Variants in CACNA1C observed in about 807,000 individuals in gnomAD.
CACNA1C encodes calcium voltage-gated channel subunit alpha1 C.
In CACNA1C, 30 loss-of-function variants were observed where a neutral mutation model predicts 229.0. The observed-to-expected ratio is 0.13, with a 90% confidence interval of 0.10 to 0.18. CACNA1C has a LOEUF of 0.18. Among genes scored for constraint, CACNA1C ranks in the 10% least tolerant of loss-of-function variants. The pLI is 1.00. For missense variants in CACNA1C, 1,658 were observed against 2,845.0 expected (o/e 0.58, Z 9.49); for synonymous variants, 1,114 against 1,132.5 (o/e 0.98, Z 0.33).
At chr12:2,243,205 T>G (rs2071379201) in intron 3 of CACNA1C, among the ~76,000 whole-genome samples, 1 of 152,224 alleles carries the variant, frequency 6.6e-6, no homozygotes, top group Non-Finnish European at 1.5e-5. Flanking sequence ...AATTGAGCTC[T>G]GACGATTTGA....
intron 7 of CACNA1C, among the ~76,000 whole-genome samples, chr12:2,501,209 CAAAAAA>C (rs59324696): frequency 1.9e-4 from 6 of 31,386 alleles, no homozygotes; most frequent in Non-Finnish European, 2.6e-4. Context: ...GACTCCACCT[CAAAAAA>C]AAAAAAAAAA....
At chr12:2,214,242 G>A (rs976497272) in intron 3 of CACNA1C, among the ~76,000 whole-genome samples, 1 of 152,182 alleles carries the variant, frequency 6.6e-6, no homozygotes, top group Non-Finnish European at 1.5e-5. Context: ...TGGCGCTGCT[G>A]AGGAGGGGTT....
chr12:2,087,371 T>C (rs1565596753), intron 1 of CACNA1C, among the ~76,000 whole-genome samples: 1 of 152,188 alleles, frequency 6.6e-6, no homozygotes, highest in Non-Finnish European at 1.5e-5. Context: ...AGAGTATGGA[T>C]TTGAACTCTG....
At chr12:2,202,660 A>C (rs2097621923) in intron 3 of CACNA1C, among the ~76,000 whole-genome samples, 1 of 152,084 alleles carries the variant, frequency 6.6e-6, no homozygotes, top group Non-Finnish European at 1.5e-5. Context: ...GCCACCACTA[A>C]CAGCCACAGA....
At chr12:2,160,566 GAAAATACAGGTGTCCCTAAGAGGA>G (rs1427020874) in intron 3 of CACNA1C, among the ~76,000 whole-genome samples, 1 of 152,132 alleles carries the variant, frequency 6.6e-6, no homozygotes, top group African/African-American at 2.4e-5. Flanking sequence ...GGAAATTAAG[GAAAATACAGGTGTCCCTAAGAGGA>G]AAAATACTAT....
At chr12:2,587,393 G>A (rs2062986258) in intron 18 of CACNA1C, among the ~76,000 whole-genome samples, 1 of 152,178 alleles carries the variant, frequency 6.6e-6, no homozygotes, top group South Asian at 2.1e-4. Flanking sequence ...GCCCTCCCAT[G>A]GGGCCAGCCT....
intron 3 of CACNA1C, among the ~76,000 whole-genome samples, chr12:2,424,212 A>G (rs1047866757): frequency 5.9e-5 from 9 of 152,240 alleles, no homozygotes; most frequent in African/African-American, 2.2e-4. Flanking sequence ...TTTGCAGGAA[A>G]GACCTCAATT....
intron 9 of CACNA1C, among the ~76,000 whole-genome samples, chr12:2,533,452 G>A (rs2099845747): frequency 6.6e-6 from 1 of 152,216 alleles, no homozygotes; most frequent in Non-Finnish European, 1.5e-5. Context: ...GAGCGTGAAG[G>A]AGAAACAGCA....
intron 3 of CACNA1C, among the ~76,000 whole-genome samples, chr12:2,359,086 A>G (rs1427478108): frequency 6.6e-6 from 1 of 152,202 alleles, no homozygotes; most frequent in Admixed American, 6.5e-5. Flanking sequence ...TGCCTTCCTT[A>G]AAAATCTTCT....
rs149209085 is a variant in CACNA1C at position 2,129,846 on chromosome 12, T to TC, written c.477+9422dup. Among the ~76,000 whole-genome samples the TC allele has an allele frequency of 4.0e-3, 609 of 152,032 alleles. 4 individuals carry two copies. The highest frequency in any genetic ancestry group is 0.014 in the African/African-American group (578 of 41,458). On this transcript the variant is annotated intron_variant, in intron 3 of 46. Transcript: ENST00000399655. Reference sequence around the variant, plus strand: ...TCCAGCACCAGCCTGATTAATTTGCTCCCCCCTCTCTCCTGCAGGCTTGGG... The same window carrying TC: ...TCCAGCACCAGCCTGATTAATTTGCTCCCCCCCTCTCTCCTGCAGGCTTGGG...
chr12:2,306,588 A>G (rs142040373), intron 3 of CACNA1C, among the ~76,000 whole-genome samples: 92 of 152,282 alleles, frequency 6.0e-4, no homozygotes, highest in African/African-American at 2.0e-3. Flanking sequence ...CAGAATGTCA[A>G]TCTTTCCCCA....
chr12:2,447,886 A>G (rs1261562096), intron 3 of CACNA1C, among the ~76,000 whole-genome samples: 3 of 152,232 alleles, frequency 2.0e-5, no homozygotes, highest in Non-Finnish European at 4.4e-5. Context: ...CCGAGTGCCC[A>G]CTTGGGGCTG....
chr12:2,582,503 C>T (rs909461604), intron 14 of CACNA1C, among the ~76,000 whole-genome samples: 2 of 152,200 alleles, frequency 1.3e-5, no homozygotes, highest in African/African-American at 4.8e-5. Context: ...CACACAACTG[C>T]AAAAGGGTCC....
chr12:2,412,718 T>C (rs1463065968), intron 3 of CACNA1C, among the ~76,000 whole-genome samples: 1 of 152,234 alleles, frequency 6.6e-6, no homozygotes, highest in Non-Finnish European at 1.5e-5. Flanking sequence ...ATTTAAGAGA[T>C]GCCTATACAA....
chr12:2,266,037 G>A (rs912567259), intron 3 of CACNA1C, among the ~76,000 whole-genome samples: 29 of 152,342 alleles, frequency 1.9e-4, no homozygotes, highest in African/African-American at 6.3e-4. Flanking sequence ...GTTGGGCTCC[G>A]TGGACACAGA....
intron 1 of CACNA1C, among the ~76,000 whole-genome samples, chr12:2,110,548 G>C (rs1437869771): frequency 6.6e-6 from 1 of 152,192 alleles, no homozygotes; most frequent in African/African-American, 2.4e-5. Context: ...TTTGCATTGG[G>C]TGGTGATTTC....
rs1322661079 is a variant in CACNA1C, at chr12:2,646,751, T to TGA, written c.3913-1709_3913-1708dup. Among the ~76,000 whole-genome samples the TGA allele has an allele frequency of 1.8e-5, 2 of 112,746 alleles. No homozygotes were observed. The highest frequency in any genetic ancestry group is 2.0e-4 in the Admixed American group (2 of 10,184). The allele number at this position is 112,746 out of a possible 152,430, so 74.0% of individuals were successfully genotyped here. ...GAAATTTCTTCTGTGCATGCCTGTA[T>TGA]GAGAGAGAGAGAGAGAAAGAGAGAG... On this transcript the variant is annotated intron_variant, in intron 30 of 46. Transcript: ENST00000399655. This position sits in a 1 kb window ranked among gnomAD's most constrained non-coding sequence, Gnocchi z 4.6.
chr12:2,228,232 G>A (rs1439259961), intron 3 of CACNA1C, among the ~76,000 whole-genome samples: 1 of 152,154 alleles, frequency 6.6e-6, no homozygotes, highest in Non-Finnish European at 1.5e-5. Context: ...TTCAAAGTGG[G>A]CTTTTCAACC....
intron 3 of CACNA1C, among the ~76,000 whole-genome samples, chr12:2,398,628 A>C (rs1326545203): frequency 6.6e-6 from 1 of 152,196 alleles, no homozygotes; most frequent in Non-Finnish European, 1.5e-5. Context: ...CTAGAGAAGC[A>C]CTTTGAAATG....
Sources: allele counts gnomAD v4.1 joint callset (sites outside exome capture counted in the v4.1 genomes callset), GRCh38; gene constraint gnomAD v4.1.1; non-coding constraint Gnocchi (gnomAD v3.1); transcripts MANE v1.5; gene names NCBI Gene and HGNC (gene_info 2026-07-23, HGNC 2026-07-21).